The following MMP10 variants were observed in gnomAD, a reference collection of about 807,000 sequenced individuals.
MMP10 encodes the protein matrix metallopeptidase 10.
Under a neutral mutation model 49.1 loss-of-function variants are expected in MMP10, and 50 were observed. That is an observed-to-expected ratio of 1.02 (90% CI 0.81 to 1.29). MMP10 has a LOEUF of 1.29. Among genes scored for constraint, MMP10 ranks in the 50% most tolerant of loss-of-function variants. MMP10 has a pLI of 0.00. For missense variants in MMP10, 613 were observed against 563.8 expected, an observed-to-expected ratio of 1.09 and a Z score of -0.88; for synonymous variants, 229 against 201.6, an observed-to-expected ratio of 1.14 and a Z score of -1.15.
chr11:102,775,188 C>T lies in MMP10; in HGVS notation c.1066G>A (p.Gly356Arg). The T allele has an allele frequency of 2.5e-6, 4 of 1,586,468 alleles. No homozygotes were observed. Among genetic ancestry groups the T allele is most frequent in the Non-Finnish European group, 3.4e-6 (4 of 1,167,386 alleles). ...GTTGAAATTCTTATATAGTACTCAC[C>T]TTTAAAAATAAAAACGGTGTCCCTG... ...NSRDTVFIFK[G>R]NEFWAIRGNE... The change falls in exon 7 of 10, where the codon GGA (glycine) becomes AGA (arginine). Residue 356 changes from glycine to arginine, a missense_variant and splice_region_variant. Coordinates refer to ENST00000279441, the MANE Select transcript of MMP10 (RefSeq NM_002425.3).
At position 102,779,743 on chromosome 11, in the gene MMP10, T is replaced by G. The variant is rs375362001; in HGVS notation, c.108A>C (p.Gln36His). 1 of 1,600,950 alleles carries G rather than the reference T, an allele frequency of 6.2e-7. No homozygotes were observed. The highest frequency in any genetic ancestry group is 1.3e-5 in the African/African-American group (1 of 74,540). ...EEDSNKDLAQ[Q>H]YLEKYYNLEK... ...CGAGGTTGTAGTACTTTTCTAGGTA[T>G]TGCTAATGGAAAATAGAATTTTTAG... is the stretch of plus-strand genomic sequence containing the variant. The change falls in exon 2 of 10, where the codon CAA (glutamine) becomes CAC (histidine). Residue 36 changes from glutamine to histidine, a missense_variant and splice_region_variant. Transcript: ENST00000279441.
chr11:102,777,455 A>G (rs1591069545), intron 4 of MMP10, among the ~76,000 whole-genome samples: 1 of 152,018 alleles, frequency 6.6e-6, no homozygotes, highest in Non-Finnish European at 1.5e-5. Context: ...AGGTTTCACC[A>G]TGTTGGCTAG....
Position 102,776,723 on chromosome 11 carries a change from A to G in MMP10, c.676T>C (p.Phe226Leu). 6.2e-7 allele frequency: 1 copy of G among 1,614,040 alleles called. No homozygotes were observed. Among genetic ancestry groups the G allele is most frequent in the Non-Finnish European group, 8.5e-7 (1 of 1,179,946 alleles). The change falls in exon 5 of 10, where the codon TTT becomes CTT. Residue 226 changes from phenylalanine (F) to leucine (L), a missense_variant. Transcript: ENST00000279441. The part of the protein sequence containing the change: ...AHELGHSLGL[F>L]HSANTEALMY... ...AAAGCTTCAGTGTTGGCTGAGTGAA[A>G]GAGCCCCAGGGAGTGGCCAAGTTCA... is the stretch of plus-strand genomic sequence containing the variant.
chr11:102,771,273 C>G (rs1363641786), intron 9 of MMP10, among the ~76,000 whole-genome samples: 1 of 152,146 alleles, frequency 6.6e-6, no homozygotes, highest in Non-Finnish European at 1.5e-5. Context: ...TTTCCAACCT[C>G]CCCTCTTCTG....
chr11:102,776,684 A>G lies in MMP10; in HGVS notation c.715T>C (p.Tyr239His), dbSNP rs1162294306. The part of the protein sequence containing the change: ...ANTEALMYPL[Y>H]NSFTELAQFR... ...TGGGCGAGCTCTGTGAATGAGTTGT[A>G]GAGTGGGTACATCAAAGCTTCAGTG... The change falls in exon 5 of 10, where the codon TAC becomes CAC. Residue 239 changes from tyrosine to histidine, a missense_variant. Transcript: ENST00000279441. 1 of 1,614,062 alleles carries G rather than the reference A, an allele frequency of 6.2e-7. No homozygotes were observed. The highest frequency in any genetic ancestry group is 2.2e-5 in the East Asian group (1 of 44,888).
At position 102,780,483 on chromosome 11, in the gene MMP10, T is replaced by C. The variant is rs759714496; in HGVS notation, c.105+4A>G. On this transcript the variant is annotated splice_donor_region_variant and intron_variant, in intron 1 of 9. Coordinates refer to ENST00000279441, the MANE Select transcript of MMP10 (RefSeq NM_002425.3). ...TAGCTGCAATAGATGCCACCGTTAA[T>C]TACCTGGGCAAGATCCTTGTTGGAG... is the stretch of plus-strand genomic sequence containing the variant. The C allele has an allele frequency of 5.0e-6, 8 of 1,613,504 alleles. No homozygotes were observed. In the African/African-American group the frequency reaches 8.0e-5, roughly 16 times the overall value.
chr11:102,780,441 A>C (rs1857813240), intron 1 of MMP10, 46 bp downstream of exon 1: 2 of 1,516,480 alleles, frequency 1.3e-6, no homozygotes, highest in South Asian at 1.1e-5. Flanking sequence ...CCAAGTAGAC[A>C]CAATTGAGCT....
At position 102,770,837 on chromosome 11, in the gene MMP10, T is replaced by C. The variant is rs1565453718; in HGVS notation, c.1387A>G (p.Met463Val). The part of the protein sequence containing the change: ...SQFEFDPNAR[M>V]VTHILKSNSW... ...TTACTCTTTAATATGTGTGTCACCA[T>C]CCTGGCATTGGGGTCAAACTCAAAC... is the stretch of plus-strand genomic sequence containing the variant. The change falls in exon 10 of 10, where the codon ATG becomes GTG. Residue 463 changes from methionine to valine, a missense_variant. Physicochemically the swap from Met to Val is conservative, Grantham distance 21. Coordinates refer to ENST00000279441, the MANE Select transcript of MMP10 (RefSeq NM_002425.3). 6.2e-7 allele frequency: 1 copy of C among 1,613,250 alleles called. No homozygotes were observed. The highest frequency in any genetic ancestry group is 1.1e-5 in the South Asian group (1 of 90,880).
intron 5 of MMP10, 33 bp from the exon 6 acceptor site, chr11:102,776,457 A>T (rs763833957): frequency 8.6e-6 from 13 of 1,511,188 alleles, no homozygotes; most frequent in Non-Finnish European, 1.2e-5. Context: ...TGCAAACATT[A>T]AAAAAAAATG....
intron 4 of MMP10, among the ~76,000 whole-genome samples, chr11:102,777,111 G>A (rs1473493806): frequency 6.6e-6 from 1 of 152,140 alleles, no homozygotes; most frequent in Non-Finnish European, 1.5e-5. Flanking sequence ...TAGCATGTCA[G>A]TAAATATAAC....
chr11:102,775,710 A>G (rs1307997233), intron 6 of MMP10, among the ~76,000 whole-genome samples: 1 of 152,178 alleles, frequency 6.6e-6, no homozygotes, highest in Non-Finnish European at 1.5e-5. Flanking sequence ...TTAACTCCGT[A>G]TCTTTTGGTA....
chr11:102,772,191 A>C lies in MMP10; in HGVS notation c.1227-76T>G. The C allele has an allele frequency of 3.3e-6, 3 of 916,482 alleles. No individual in the cohort carries two copies. The highest frequency in any genetic ancestry group is 5.0e-6 in the Non-Finnish European group (3 of 600,376). The allele number at this position is 916,482 out of a possible 1,614,324, so 56.8% of individuals were successfully genotyped here. On this transcript the variant is annotated intron_variant, in intron 8 of 9. Transcript: ENST00000279441. The surrounding 1 kb of genome is among the most constrained non-coding windows in gnomAD (Gnocchi z 4.4). ...CACACAATAGTATAATGTGATGTTAATTTTCCAGTGTGGAATCCTAGACAA... is the reference window on the plus strand; with the variant it reads ...CACACAATAGTATAATGTGATGTTACTTTTCCAGTGTGGAATCCTAGACAA...
rs915122518 is a variant in MMP10 at position 102,772,321 on chromosome 11, A to G, written c.1227-206T>C. On this transcript the variant is annotated intron_variant, in intron 8 of 9. Transcript: ENST00000279441. The surrounding 1 kb of genome is among the most constrained non-coding windows in gnomAD (Gnocchi z 4.4). ...ACACATAAAACAATATTTTCCAGAAACAGGAACATTATGCCATTTTACAGA... is the reference window on the plus strand; with the variant it reads ...ACACATAAAACAATATTTTCCAGAAGCAGGAACATTATGCCATTTTACAGA... Among the ~76,000 whole-genome samples, 1 of 152,206 alleles carries G rather than the reference A, an allele frequency of 6.6e-6. No individual in the cohort carries two copies.
intron 1 of MMP10, 152 bp from the exon 2 acceptor site, chr11:102,779,897 A>G: frequency 1.1e-6 from 1 of 879,922 alleles, no homozygotes; most frequent in South Asian, 2.2e-5. Flanking sequence ...ATTTCATACA[A>G]ATTTTTAAAT....
intron 2 of MMP10, 59 bp downstream of exon 2, chr11:102,779,445 A>T: frequency 6.2e-7 from 1 of 1,609,738 alleles, no homozygotes. Context: ...TACTTATCCA[A>T]ATATGACGAG....
chr11:102,775,409 C>A (rs1479764550), intron 6 of MMP10, 88 bp from the exon 7 acceptor site: 3 of 1,124,600 alleles, frequency 2.7e-6, no homozygotes, highest in Non-Finnish European at 3.8e-6. Context: ...TGCTAATTCA[C>A]CCATTCATAG....
intron 6 of MMP10, among the ~76,000 whole-genome samples, chr11:102,775,926 G>A (rs1232901490): frequency 6.6e-6 from 1 of 152,032 alleles, no homozygotes; most frequent in East Asian, 1.9e-4. Flanking sequence ...TTACAGTCTA[G>A]GGACCAAGAA....
In MMP10 at chr11:102,780,491, G is replaced by A. The variant is rs764457929; in HGVS notation, c.101C>T (p.Ala34Val). Residue 34 changes from alanine to valine, a missense_variant, in exon 1 of 10, where the codon GCC (alanine) becomes GTC (valine). Physicochemically the swap from Ala to Val is moderately conservative, Grantham distance 64 (BLOSUM62 0). Coordinates refer to ENST00000279441, the MANE Select transcript of MMP10 (RefSeq NM_002425.3). The stretch of plus-strand genomic sequence containing the variant: ...ATAGATGCCACCGTTAATTACCTGG[G>A]CAAGATCCTTGTTGGAGTCCTCCTC... ...AKEEDSNKDL[A>V]QQYLEKYYNL... 1.9e-6 allele frequency: 3 copies of A among 1,613,750 alleles called. No homozygotes were observed. The highest frequency in any genetic ancestry group is 1.3e-5 in the African/African-American group (1 of 75,028).
At chr11:102,773,900 C>A (rs552633600) in intron 7 of MMP10, among the ~76,000 whole-genome samples, 2 of 152,280 alleles carry the variant, frequency 1.3e-5, no homozygotes, top group South Asian at 4.1e-4. Context: ...CCTTTTCAGT[C>A]CTGACCTCCA....
Sources: allele counts gnomAD v4.1 joint callset (sites outside exome capture counted in the v4.1 genomes callset), GRCh38; gene constraint gnomAD v4.1.1; non-coding constraint Gnocchi (gnomAD v3.1); transcripts MANE v1.5; gene names NCBI Gene and HGNC (gene_info 2026-07-23, HGNC 2026-07-21).